The following GOLM2 variants were observed in gnomAD, a reference collection of about 807,000 sequenced individuals.
The protein encoded by GOLM2 is golgi membrane protein 2.
In GOLM2, 26 loss-of-function variants were observed where a neutral mutation model predicts 55.9. The ratio of observed to expected loss-of-function variants is 0.47; its 90% CI spans 0.34 to 0.65. The LOEUF (loss-of-function observed/expected upper bound fraction) is 0.65. GOLM2 is among the 30% of genes least tolerant of loss of function. The probability of loss-of-function intolerance (pLI) is 0.01; values close to 1 mark genes in which losing one functional copy is unlikely to be tolerated. For missense variants in GOLM2, 486 were observed against 531.8 expected, an observed-to-expected ratio of 0.91 and a Z score of 0.85; for synonymous variants, 165 against 194.6, an observed-to-expected ratio of 0.85 and a Z score of 1.27.
rs1389670351 is a variant in GOLM2 at position 44,379,747 on chromosome 15, A to G, written c.860A>G (p.His287Arg). ...SQHESHQAIS[H>R]LPTGQPLSPN... is the part of the protein sequence containing the mutation. ...CATGAAAGTCATCAAGCAATCTCCC[A>G]TCTTCCAACTGGACAACCTCTCTCC... The change falls in exon 7 of 10, where the codon CAT (histidine) becomes CGT (arginine). Residue 287 changes from histidine to arginine, a missense_variant. Physicochemically the swap from His to Arg is conservative, Grantham distance 29. Coordinates refer to ENST00000299957, the MANE Select transcript of GOLM2 (RefSeq NM_138423.4). 3 of 1,612,112 alleles carry G rather than the reference A, an allele frequency of 1.9e-6. No homozygotes were observed. The highest frequency in any genetic ancestry group is 2.5e-6 in the Non-Finnish European group (3 of 1,178,960).
chr15:44,371,875 A>G (rs1347633183), intron 6 of GOLM2, among the ~76,000 whole-genome samples: 1 of 152,198 alleles, frequency 6.6e-6, no homozygotes, highest in African/African-American at 2.4e-5. Flanking sequence ...CATTCTAAGG[A>G]TAAATACATT....
intron 8 of GOLM2, among the ~76,000 whole-genome samples, chr15:44,396,898 G>A (rs924840874): frequency 6.6e-6 from 1 of 152,168 alleles, no homozygotes; most frequent in Non-Finnish European, 1.5e-5. Context: ...GCTAGTGGGT[G>A]TGTTGTTTCT....
At chr15:44,308,541 G>C (rs973294914) in intron 1 of GOLM2, 3 of 152,080 alleles carry the variant, frequency 2.0e-5, no homozygotes, top group Non-Finnish European at 2.9e-5. Context: ...ACAAGTATCT[G>C]TTTGAGTCCC....
At chr15:44,372,187 G>C (rs1012521982) in intron 6 of GOLM2, among the ~76,000 whole-genome samples, 4 of 152,056 alleles carry the variant, frequency 2.6e-5, no homozygotes, top group African/African-American at 9.7e-5. Context: ...AACCACCTTT[G>C]GAGCTTTCAG....
At chr15:44,390,481 A>G (rs2079479968) in intron 8 of GOLM2, 1 of 152,158 alleles carries the variant, frequency 6.6e-6, no homozygotes, top group South Asian at 2.1e-4. Context: ...TTTATTTAAC[A>G]GTGGTTATTA....
chr15:44,332,647 T>C (rs944630967), intron 4 of GOLM2, among the ~76,000 whole-genome samples: 14 of 152,186 alleles, frequency 9.2e-5, no homozygotes, highest in Admixed American at 3.3e-4. Flanking sequence ...TTTCTCAGAT[T>C]GTAAAGTGGG....
chr15:44,298,298 T>C (rs1355742822), intron 1 of GOLM2, among the ~76,000 whole-genome samples: 2 of 148,148 alleles, frequency 1.3e-5, no homozygotes, highest in African/African-American at 5.0e-5. Context: ...AGTTTTGCTC[T>C]TGTCGCCCAG....
At chr15:44,408,111 T>G (rs1200137584) in intron 9 of GOLM2, among the ~76,000 whole-genome samples, 1 of 152,202 alleles carries the variant, frequency 6.6e-6, no homozygotes, top group African/African-American at 2.4e-5. Flanking sequence ...TAGGAATTAT[T>G]TAATAAACTA....
intron 9 of GOLM2, among the ~76,000 whole-genome samples, chr15:44,410,903 C>CAAA (rs35934853): frequency 3.7e-4 from 21 of 56,296 alleles, no homozygotes; most frequent in African/African-American, 6.1e-4. Flanking sequence ...GACCCTGTAT[C>CAAA]AAAAAAAAAA....
intron 6 of GOLM2, 57 bp downstream of exon 6, chr15:44,338,374 C>G (rs949276475): frequency 1.5e-5 from 20 of 1,300,968 alleles, no homozygotes; most frequent in Non-Finnish European, 2.2e-5. Flanking sequence ...TTTCATGTGA[C>G]CCCATTCTCT....
At chr15:44,296,521 T>G (rs1363013289) in intron 1 of GOLM2, among the ~76,000 whole-genome samples, 3 of 152,174 alleles carry the variant, frequency 2.0e-5, no homozygotes, top group Non-Finnish European at 2.9e-5. Context: ...TACAAAAAAA[T>G]GCTTTTTGGG....
intron 6 of GOLM2, among the ~76,000 whole-genome samples, chr15:44,343,548 G>A (rs1372663992): frequency 6.6e-6 from 1 of 151,854 alleles, no homozygotes; most frequent in Non-Finnish European, 1.5e-5. Flanking sequence ...TATCCTGGCT[G>A]GGCATAGTGG....
chr15:44,321,297 C>T (rs1419646265), intron 1 of GOLM2, among the ~76,000 whole-genome samples: 2 of 151,888 alleles, frequency 1.3e-5, no homozygotes, highest in Admixed American at 6.6e-5. Flanking sequence ...CATAGCAAGA[C>T]CTCATCTCTA....
Position 44,366,310 on chromosome 15 carries a change from A to AAAAACAAAAC in GOLM2, c.803-13376_803-13367dup, listed in dbSNP as rs1555424782. On this transcript the variant is annotated intron_variant, in intron 6 of 9. Transcript: ENST00000299957. ...AGACTCCGTCTCAAAAAAAAAAAAA[A>AAAAACAAAAC]AAAACAAAACAAACAAACCACAAAA... Among the ~76,000 whole-genome samples the AAAAACAAAAC allele has an allele frequency of 1.0e-3, 158 of 150,500 alleles. 1 individual carries two copies. Among genetic ancestry groups the AAAAACAAAAC allele is most frequent in the East Asian group, 3.0e-3 (15 of 4,994 alleles).
intron 8 of GOLM2, among the ~76,000 whole-genome samples, chr15:44,387,906 T>A (rs1414224601): frequency 2.6e-5 from 4 of 152,140 alleles, no homozygotes; most frequent in Non-Finnish European, 2.9e-5. Context: ...TTCATTTCTC[T>A]TATAGAAGAT....
At chr15:44,303,371 T>C (rs976319164) in intron 1 of GOLM2, among the ~76,000 whole-genome samples, 1 of 152,178 alleles carries the variant, frequency 6.6e-6, no homozygotes, top group South Asian at 2.1e-4. Context: ...TGTCAACTCA[T>C]CTTTCTAGTA....
intron 8 of GOLM2, among the ~76,000 whole-genome samples, chr15:44,388,948 T>C (rs1315567089): frequency 6.6e-6 from 1 of 152,020 alleles, no homozygotes; most frequent in African/African-American, 2.4e-5. Flanking sequence ...CCCAAGTAGC[T>C]GGGACTACAG....
intron 1 of GOLM2, among the ~76,000 whole-genome samples, chr15:44,316,804 G>A (rs952038193): frequency 1.2e-4 from 18 of 151,660 alleles, no homozygotes; most frequent in African/African-American, 4.3e-4. Flanking sequence ...GGGCAACATG[G>A]CAAAACCCTG....
chr15:44,369,067 TTATATATATATATATATATATATATA>T (rs58317520), intron 6 of GOLM2, among the ~76,000 whole-genome samples: 367 of 22,982 alleles, frequency 0.016, 28 homozygotes, highest in Admixed American at 0.021. Context: ...ATAGGATATA[TTATATATATATATATATATATATATA>T]TATATATATA....
Sources: gnomAD v4.1 joint callset for allele counts (sites outside exome capture counted in the v4.1 genomes callset) on GRCh38, gnomAD v4.1.1 for gene constraint, MANE v1.5 for transcripts, NCBI Gene and HGNC (gene_info 2026-07-23, HGNC 2026-07-21) for gene names.